NBEA: variants seen among roughly 807,000 people sequenced by gnomAD.
The protein encoded by NBEA is neurobeachin, also known as lysosomal-trafficking regulator 2.
In NBEA, 44 loss-of-function variants were observed where a neutral mutation model predicts 343.4. The ratio of observed to expected loss-of-function variants is 0.13; its 90% confidence interval spans 0.10 to 0.16. The LOEUF is 0.16. Ranked by LOEUF, NBEA falls within the 10% of genes least tolerant of loss-of-function variation. The pLI is 1.00. For synonymous variants in NBEA, 1,175 were observed against 1,238.7 expected (o/e 0.95, Z 1.08); for missense variants, 2,555 against 3,631.3 (o/e 0.70, Z 7.62).
At chr13:35,565,544 A>G (rs1055868367) in intron 44 of NBEA, among the ~76,000 whole-genome samples, 5 of 152,338 alleles carry the variant, frequency 3.3e-5, no homozygotes, top group Non-Finnish European at 7.3e-5. Context: ...TCATATCACT[A>G]AATACCAGTG....
At chr13:35,595,606 G>T (rs1365815157) in intron 47 of NBEA, among the ~76,000 whole-genome samples, 1 of 152,110 alleles carries the variant, frequency 6.6e-6, no homozygotes, top group Non-Finnish European at 1.5e-5. Context: ...GCACAAGGCT[G>T]TAGTGAACAT....
chr13:35,496,426 G>A lies in NBEA; in HGVS notation c.6585+23890G>A, dbSNP rs2076677056. Among the ~76,000 whole-genome samples the A allele has an allele frequency of 2.6e-5, 4 of 151,952 alleles. No individual in the cohort carries two copies. In the South Asian group the frequency reaches 8.3e-4, roughly 32 times the overall value. On this transcript the variant is annotated intron_variant, in intron 41 of 58. Transcript: ENST00000379939. ...GAGGCAGGAGGTTAGCTTGAGCCCA[G>A]GGGTTTGAGACCCGCCTGAGCAACA...
At chr13:35,346,334 A>G (rs1856379) in intron 36 of NBEA, among the ~76,000 whole-genome samples, 33,673 of 152,046 alleles carry the variant, frequency 0.22, 4,267 homozygotes, top group African/African-American at 0.34. Context: ...CCATTGAACG[A>G]AATATTCTAA....
At chr13:35,039,107 A>G (rs2062555422) in intron 1 of NBEA, among the ~76,000 whole-genome samples, 1 of 152,056 alleles carries the variant, frequency 6.6e-6, no homozygotes, top group African/African-American at 2.4e-5. Flanking sequence ...GGTGGACATC[A>G]GCTTAGTTTG....
At chr13:35,493,977 A>C (rs543947476) in intron 41 of NBEA, among the ~76,000 whole-genome samples, 1 of 151,952 alleles carries the variant, frequency 6.6e-6, no homozygotes, top group African/African-American at 2.4e-5. Context: ...TCATTTTATA[A>C]ATTTAATGAT....
intron 33 of NBEA, among the ~76,000 whole-genome samples, chr13:35,223,669 C>T (rs2074498513): frequency 6.6e-6 from 1 of 152,006 alleles, no homozygotes; most frequent in Non-Finnish European, 1.5e-5. Context: ...AGTTTTATGA[C>T]TTCATTGTTT....
At chr13:35,551,591 T>C (rs866714298) in intron 43 of NBEA, among the ~76,000 whole-genome samples, 2 of 152,188 alleles carry the variant, frequency 1.3e-5, no homozygotes, top group African/African-American at 2.4e-5. Flanking sequence ...TAGTTACTTA[T>C]ATTGCTGATA....
rs898845483 is a variant in NBEA at position 35,646,156 on chromosome 13, T to G, written c.7681-103T>G. 1.4e-5 allele frequency: 13 copies of G among 946,720 alleles called. No homozygotes were observed. In the African/African-American group the frequency reaches 2.0e-4, roughly 14 times the overall value. The allele number at this position is 946,720 out of a possible 1,614,324, so 58.6% of individuals were successfully genotyped here. ...GAGCACCCGTTGAATTTTCTGGACT[T>G]TTTTTCATGGCTGACTTGGGATACA... is the stretch of plus-strand genomic sequence containing the variant. On this transcript the variant is annotated intron_variant, in intron 50 of 58. Coordinates refer to ENST00000379939, the MANE Select transcript of NBEA (RefSeq NM_001385012.1).
intron 23 of NBEA, among the ~76,000 whole-genome samples, chr13:35,163,551 T>C (rs910316464): frequency 1.3e-5 from 2 of 150,746 alleles, no homozygotes; most frequent in African/African-American, 4.9e-5. Flanking sequence ...CCAGGGAGGT[T>C]GAGGATGCAC....
intron 36 of NBEA, among the ~76,000 whole-genome samples, chr13:35,338,537 C>T (rs752486032): frequency 1.2e-4 from 18 of 151,910 alleles, no homozygotes; most frequent in Admixed American, 3.3e-4. Context: ...ACATTTGAGA[C>T]GAAAGAGAAT....
chr13:35,378,896 A>G (rs117378440), intron 38 of NBEA, among the ~76,000 whole-genome samples: 5,396 of 152,210 alleles, frequency 0.035, 120 homozygotes, highest in Non-Finnish European at 0.045. Context: ...ATGGAATCAT[A>G]TAGTATAAAC....
At chr13:35,020,413 T>C (rs1387042817) in intron 1 of NBEA, among the ~76,000 whole-genome samples, 1 of 152,220 alleles carries the variant, frequency 6.6e-6, no homozygotes, top group African/African-American at 2.4e-5. Flanking sequence ...ACTCTTAGCT[T>C]GATGACTGTT....
intron 18 of NBEA, among the ~76,000 whole-genome samples, chr13:35,143,771 A>T (rs764010783): frequency 6.6e-6 from 1 of 152,072 alleles, no homozygotes; most frequent in Non-Finnish European, 1.5e-5. Context: ...TGCGGGGCTG[A>T]GGCAGGAGGA....
At chr13:35,512,119 G>A (rs2077300164) in intron 41 of NBEA, among the ~76,000 whole-genome samples, 1 of 152,210 alleles carries the variant, frequency 6.6e-6, no homozygotes, top group Non-Finnish European at 1.5e-5. Context: ...TGAACTGTCA[G>A]TGAAAGCACA....
intron 30 of NBEA, among the ~76,000 whole-genome samples, chr13:35,189,221 A>G (rs896183432): frequency 6.6e-6 from 1 of 151,830 alleles, no homozygotes; most frequent in Non-Finnish European, 1.5e-5. Flanking sequence ...ACCTGGCCAC[A>G]TTTTCAATAA....
intron 10 of NBEA, among the ~76,000 whole-genome samples, chr13:35,086,082 A>T (rs986541558): frequency 3.9e-5 from 6 of 152,148 alleles, no homozygotes; most frequent in African/African-American, 1.4e-4. Flanking sequence ...ATAAAAGAGG[A>T]TACAAACAAA....
intron 35 of NBEA, among the ~76,000 whole-genome samples, chr13:35,305,440 C>G (rs540292040): frequency 9.2e-5 from 14 of 151,840 alleles, no homozygotes; most frequent in Non-Finnish European, 2.1e-4. Flanking sequence ...AAGTTCTTTC[C>G]GTCTTATTGA....
intron 34 of NBEA, among the ~76,000 whole-genome samples, chr13:35,244,634 T>C (rs2030897505): frequency 6.6e-6 from 1 of 152,134 alleles, no homozygotes; most frequent in Admixed American, 6.5e-5. Flanking sequence ...AGGATTGTTT[T>C]TTCTAGTTCC....
rs1332141800 is a variant in NBEA, at chr13:35,670,888, T to C, written c.8814-13T>C. ...TTTTATATCACTCTTAACTGCTGTT[T>C]CTGCTTTTCCAGGACTCTGATCACT... On this transcript the variant is annotated splice_polypyrimidine_tract_variant and intron_variant, in intron 58 of 58. Coordinates refer to ENST00000379939, the MANE Select transcript of NBEA (RefSeq NM_001385012.1). The C allele has an allele frequency of 6.4e-7, 1 of 1,569,508 alleles. No homozygotes were observed. Among genetic ancestry groups the C allele is most frequent in the Non-Finnish European group, 8.7e-7 (1 of 1,150,176 alleles).
Sources: allele counts gnomAD v4.1 joint callset (sites outside exome capture counted in the v4.1 genomes callset), GRCh38; gene constraint gnomAD v4.1.1; transcripts MANE v1.5; gene names NCBI Gene and HGNC (gene_info 2026-07-23, HGNC 2026-07-21).